The following NEDD9 variants were observed in gnomAD, a reference collection of about 807,000 sequenced individuals.
The protein encoded by NEDD9 is neural precursor cell expressed, developmentally down-regulated 9, also known as enhancer of filamentation 1.
In NEDD9, 26 loss-of-function variants were observed where a neutral mutation model predicts 76.6. The observed-to-expected ratio is 0.34, with a 90% CI of 0.25 to 0.47. NEDD9 has a LOEUF of 0.47. Ranked by LOEUF, NEDD9 falls within the 20% of genes least tolerant of loss-of-function variation. The probability of loss-of-function intolerance (pLI) is 1.00; values close to 1 mark genes in which losing one functional copy is unlikely to be tolerated. For missense variants in NEDD9, 937 were observed against 1,058.5 expected (o/e 0.89, Z 1.59); for synonymous variants, 392 against 414.2 (o/e 0.95, Z 0.65).
At position 11,185,059 on chromosome 6, in the gene NEDD9, T is replaced by C. The variant is rs1294326246; in HGVS notation, c.*103A>G. On this transcript the variant is annotated 3_prime_UTR_variant, in exon 7 of 7. Transcript: ENST00000379446. The stretch of plus-strand genomic sequence containing the variant: ...AAAATGTTAAAATATTTCATTTTTA[T>C]ATAAAATATCTACAAAAATAGATAA... 1 of 1,315,466 alleles carries C rather than the reference T, an allele frequency of 7.6e-7. No homozygotes were observed. 81.5% of individuals were successfully genotyped at this position (1,315,466 alleles called of 1,614,324 possible).
chr6:11,356,396 T>C (rs976661945), intron 1 of NEDD9, among the ~76,000 whole-genome samples: 3 of 152,258 alleles, frequency 2.0e-5, no homozygotes, highest in Non-Finnish European at 4.4e-5. Flanking sequence ...GTGACATACA[T>C]ATAAATTATT....
At chr6:11,297,021 G>T (rs550899327) in intron 3 of NEDD9, among the ~76,000 whole-genome samples, 1 of 152,202 alleles carries the variant, frequency 6.6e-6, no homozygotes, top group Admixed American at 6.5e-5. Flanking sequence ...GAGCCACCAC[G>T]CCCAGCCGAT....
At chr6:11,276,312 C>T (rs987950044) in intron 3 of NEDD9, among the ~76,000 whole-genome samples, 2 of 152,190 alleles carry the variant, frequency 1.3e-5, no homozygotes, top group Non-Finnish European at 2.9e-5. Context: ...TCATTCTATG[C>T]TAGCCTGCAT....
chr6:11,317,443 T>G (rs11753422), intron 2 of NEDD9, among the ~76,000 whole-genome samples: 82,154 of 150,058 alleles, frequency 0.55, 22,812 homozygotes, highest in East Asian at 0.77. Context: ...AAAAAAAAGA[T>G]AGATAGGAAG....
At chr6:11,228,389 G>A (rs891760891) in intron 1 of NEDD9, among the ~76,000 whole-genome samples, 10 of 152,070 alleles carry the variant, frequency 6.6e-5, no homozygotes, top group African/African-American at 2.4e-4. Flanking sequence ...ACTTATCCAG[G>A]CATGGTGGTG....
chr6:11,244,595 A>G (rs1759773700), intron 3 of NEDD9, among the ~76,000 whole-genome samples: 1 of 152,190 alleles, frequency 6.6e-6, no homozygotes, highest in African/African-American at 2.4e-5. Context: ...GTCATAGAAT[A>G]CATCCTCTTT....
At chr6:11,235,564 T>G (rs1490480359), upstream of NEDD9, among the ~76,000 whole-genome samples, 1 of 152,168 alleles carries the variant, frequency 6.6e-6, no homozygotes, top group Non-Finnish European at 1.5e-5. The surrounding 1 kb of genome is among the most constrained non-coding windows in gnomAD (Gnocchi z 4.1). Context: ...TGAAGAAAAA[T>G]TAAGCAGGGA....
chr6:11,317,899 A>G (rs1761624017), intron 2 of NEDD9, among the ~76,000 whole-genome samples: 1 of 152,188 alleles, frequency 6.6e-6, no homozygotes, highest in South Asian at 2.1e-4. Flanking sequence ...CAGTAAATTG[A>G]GTAAAGCAGG....
At chr6:11,298,288 T>A (rs2113394559) in intron 3 of NEDD9, among the ~76,000 whole-genome samples, 1 of 152,274 alleles carries the variant, frequency 6.6e-6, no homozygotes, top group African/African-American at 2.4e-5. Context: ...GTGATGTGTG[T>A]GTGTGAGTGT....
chr6:11,192,855 C>T (rs1056201267), intron 3 of NEDD9, among the ~76,000 whole-genome samples: 1 of 146,066 alleles, frequency 6.8e-6, no homozygotes, highest in Non-Finnish European at 1.5e-5. Context: ...ATCGCCTGAA[C>T]CCGGGAGGCA....
chr6:11,234,504 T>A (rs1159328095), upstream of NEDD9, among the ~76,000 whole-genome samples: 2 of 152,136 alleles, frequency 1.3e-5, no homozygotes, highest in African/African-American at 2.4e-5. Context: ...TTTCCTAAAG[T>A]TTGTGCTGGG....
chr6:11,334,973 A>G (rs944101345), intron 1 of NEDD9, among the ~76,000 whole-genome samples: 50 of 152,210 alleles, frequency 3.3e-4, no homozygotes, highest in Middle Eastern at 3.2e-3. Context: ...ACAATGACCA[A>G]TTGAGAGCAA....
At chr6:11,233,325 T>C (rs1325969258), upstream of NEDD9, 3 of 518,942 alleles carry the variant, frequency 5.8e-6, no homozygotes, top group Non-Finnish European at 1.2e-5. Context: ...ACCAGCGTTT[T>C]CCTGGACAGC....
intron 3 of NEDD9, among the ~76,000 whole-genome samples, chr6:11,250,519 C>T (rs996354624): frequency 1.3e-5 from 2 of 152,250 alleles, no homozygotes; most frequent in South Asian, 4.2e-4. Flanking sequence ...CTGAATCTAC[C>T]GAAGCAGTCT....
chr6:11,374,353 G>A (rs57932054), intron 1 of NEDD9, among the ~76,000 whole-genome samples: 4,829 of 152,258 alleles, frequency 0.032, 152 homozygotes, highest in African/African-American at 0.08. Context: ...ACCTGCATGA[G>A]GAACAGGTGC....
At position 11,310,637 on chromosome 6, in the gene NEDD9, T is replaced by G. The variant is rs539504192; in HGVS notation, c.-152-4482A>C. ...TTTTCTAATTAAAATGAGAGTAGAT[T>G]ATCTTCTGCAATGCTACATTGAATG... On this transcript the variant is annotated intron_variant, in intron 2 of 3. Transcript: ENST00000397378. Among the ~76,000 whole-genome samples the G allele has an allele frequency of 2.6e-5, 4 of 152,304 alleles. No homozygotes were observed. The East Asian group carries it at 7.7e-4, about 29-fold the overall frequency.
At chr6:11,371,736 A>G (rs557855130) in intron 1 of NEDD9, among the ~76,000 whole-genome samples, 19 of 152,340 alleles carry the variant, frequency 1.2e-4, no homozygotes, top group African/African-American at 4.1e-4. Context: ...AACGTGTGCT[A>G]CACATCCCTG....
chr6:11,195,852 G>T (rs1462300019), intron 2 of NEDD9, among the ~76,000 whole-genome samples: 1 of 152,148 alleles, frequency 6.6e-6, no homozygotes, highest in Non-Finnish European at 1.5e-5. Context: ...AAATTAGCCG[G>T]GTGTGGTGAC....
intron 3 of NEDD9, among the ~76,000 whole-genome samples, chr6:11,262,576 T>C (rs1760134330): frequency 6.6e-6 from 1 of 152,254 alleles, no homozygotes; most frequent in African/African-American, 2.4e-5. Flanking sequence ...GAAATATGAC[T>C]ATTCTGGAAG....
Sources: allele counts gnomAD v4.1 joint callset (sites outside exome capture counted in the v4.1 genomes callset), GRCh38; gene constraint gnomAD v4.1.1; non-coding constraint Gnocchi (gnomAD v3.1); transcripts MANE v1.5; gene names NCBI Gene and HGNC (gene_info 2026-07-23, HGNC 2026-07-21).